The following EYS variants were observed in gnomAD, a reference collection of about 807,000 sequenced individuals.
EYS encodes the protein EGF-like photoreceptor maintenance factor.
In EYS, 250 loss-of-function variants were observed where a neutral mutation model predicts 282.1. The ratio of observed to expected loss-of-function variants is 0.89; its 90% CI spans 0.80 to 0.98. The LOEUF is 0.98. EYS is among the 50% of genes least tolerant of loss of function. The pLI, the probability that EYS is intolerant of heterozygous loss-of-function variation, is 0.00. For synonymous variants in EYS, 1,355 were observed against 1,282.9 expected (o/e 1.06, Z -1.20); for missense variants, 4,016 against 3,709.0 (o/e 1.08, Z -2.15).
chr6:64,208,196 G>A (rs771067823), intron 31 of EYS, among the ~76,000 whole-genome samples: 44 of 152,156 alleles, frequency 2.9e-4, no homozygotes, highest in Admixed American at 9.8e-4. Context: ...TGAGAATTCT[G>A]TGTCATTCCT....
chr6:64,755,409 G>T (rs1281133303), intron 22 of EYS, among the ~76,000 whole-genome samples: 1 of 151,558 alleles, frequency 6.6e-6, no homozygotes, highest in Non-Finnish European at 1.5e-5. Context: ...TCAAGGAATT[G>T]AAAGTCCTGA....
chr6:64,101,109 C>T (rs1001251999), intron 31 of EYS, among the ~76,000 whole-genome samples: 6 of 152,128 alleles, frequency 3.9e-5, no homozygotes, highest in Non-Finnish European at 4.4e-5. Flanking sequence ...TTGGCTCTTA[C>T]TGCATTCCTT....
intron 19 of EYS, among the ~76,000 whole-genome samples, chr6:64,856,762 T>G (rs1426024376): frequency 6.6e-6 from 1 of 152,194 alleles, no homozygotes; most frequent in East Asian, 1.9e-4. Flanking sequence ...GCTTTAAACT[T>G]ATAAGTTTCC....
intron 24 of EYS, among the ~76,000 whole-genome samples, chr6:64,598,844 T>C (rs1766670481): frequency 6.6e-6 from 1 of 152,152 alleles, no homozygotes. Flanking sequence ...TATCCCAAAA[T>C]ACATAATAAG....
intron 2 of EYS, among the ~76,000 whole-genome samples, chr6:65,559,892 T>G (rs909619304): frequency 5.9e-5 from 9 of 151,670 alleles, no homozygotes; most frequent in Non-Finnish European, 5.9e-5. Context: ...TTTACAGTCC[T>G]TTGAATTTTA....
intron 12 of EYS, among the ~76,000 whole-genome samples, chr6:65,293,145 A>C (rs1472780709): frequency 6.6e-6 from 1 of 151,556 alleles, no homozygotes; most frequent in East Asian, 1.9e-4. Context: ...TAAGATGAGA[A>C]GATGGTTACT....
At chr6:65,313,071 C>T (rs1769203400) in intron 11 of EYS, among the ~76,000 whole-genome samples, 1 of 152,132 alleles carries the variant, frequency 6.6e-6, no homozygotes, top group African/African-American at 2.4e-5. Context: ...TCCAGCTTTC[C>T]TCACACCTCT....
At chr6:64,024,969 G>T (rs555149097) in intron 33 of EYS, among the ~76,000 whole-genome samples, 2 of 152,280 alleles carry the variant, frequency 1.3e-5, no homozygotes, top group Admixed American at 1.3e-4. Flanking sequence ...AGGGACTTTC[G>T]CCTATCGCCC....
At chr6:63,867,361 A>G (rs993454765) in intron 35 of EYS, among the ~76,000 whole-genome samples, 39 of 152,302 alleles carry the variant, frequency 2.6e-4, no homozygotes, top group African/African-American at 9.1e-4. Context: ...AAGACCTGTA[A>G]ACCACATAGA....
chr6:64,951,889 T>G (rs868722229), intron 14 of EYS, among the ~76,000 whole-genome samples: 18 of 151,846 alleles, frequency 1.2e-4, no homozygotes, highest in Non-Finnish European at 5.9e-5. Context: ...GGTAGAGAAA[T>G]TGGGCAAGAA....
chr6:64,685,414 T>C (rs760029403), intron 22 of EYS, among the ~76,000 whole-genome samples: 2 of 152,216 alleles, frequency 1.3e-5, no homozygotes, highest in South Asian at 2.1e-4. Flanking sequence ...ATTGTTGAAG[T>C]TGGGATCTGA....
At chr6:65,592,564 T>C (rs1471638454) in intron 2 of EYS, among the ~76,000 whole-genome samples, 2 of 152,000 alleles carry the variant, frequency 1.3e-5, no homozygotes, top group African/African-American at 2.4e-5. Context: ...TGCTATCTTA[T>C]GTAACCCTCA....
chr6:64,659,961 G>T (rs10944677), intron 22 of EYS, among the ~76,000 whole-genome samples: 97,253 of 151,990 alleles, frequency 0.64, 31,347 homozygotes, highest in African/African-American at 0.71. Flanking sequence ...CAATATCCCT[G>T]ATGAATATCG....
At chr6:64,335,693 G>A (rs929749996) in intron 29 of EYS, among the ~76,000 whole-genome samples, 1 of 151,986 alleles carries the variant, frequency 6.6e-6, no homozygotes. Flanking sequence ...CCAAAGTTAA[G>A]ACAAAGGAAA....
chr6:64,175,489 T>A (rs1764600647), intron 31 of EYS, among the ~76,000 whole-genome samples: 1 of 152,206 alleles, frequency 6.6e-6, no homozygotes, highest in Non-Finnish European at 1.5e-5. Context: ...AACTGCTTCG[T>A]GAGAGCGTAC....
chr6:64,382,899 G>A (rs941192981), intron 29 of EYS, among the ~76,000 whole-genome samples: 10 of 151,732 alleles, frequency 6.6e-5, no homozygotes, highest in Non-Finnish European at 1.5e-4. Context: ...AAGTGGAGTG[G>A]TGGGAAAAGA....
At chr6:64,875,186 T>C (rs554411418) in intron 19 of EYS, among the ~76,000 whole-genome samples, 1 of 152,212 alleles carries the variant, frequency 6.6e-6, no homozygotes, top group South Asian at 2.1e-4. Flanking sequence ...GCTTGGAATG[T>C]GCTTTGTACA....
intron 26 of EYS, among the ~76,000 whole-genome samples, chr6:64,554,539 T>C (rs1183346984): frequency 6.6e-6 from 1 of 152,010 alleles, no homozygotes; most frequent in Non-Finnish European, 1.5e-5. Context: ...AAATGACTTT[T>C]AGAAACATAA....
At chr6:65,412,164 C>T (rs9445542) in intron 5 of EYS, among the ~76,000 whole-genome samples, 18,728 of 152,076 alleles carry the variant, frequency 0.12, 1,216 homozygotes, top group South Asian at 0.23. Flanking sequence ...ATGAAGTGTG[C>T]CTTACCAGGC....
Sources: allele counts gnomAD v4.1 joint callset (sites outside exome capture counted in the v4.1 genomes callset), GRCh38; gene constraint gnomAD v4.1.1; transcripts MANE v1.5; gene names NCBI Gene and HGNC (gene_info 2026-07-23, HGNC 2026-07-21).